The following MEMO1 variants were observed in gnomAD, a reference collection of about 807,000 sequenced individuals.
The protein encoded by MEMO1 is protein MEMO1.
In MEMO1, 6 loss-of-function variants were observed where a neutral mutation model predicts 45.2. The observed-to-expected ratio is 0.13, with a 90% confidence interval of 0.07 to 0.26. The LOEUF (loss-of-function observed/expected upper bound fraction) is 0.26. Ranked by LOEUF, MEMO1 falls within the 10% of genes least tolerant of loss-of-function variation. The pLI, the probability that MEMO1 is intolerant of heterozygous loss-of-function variation, is 1.00. For synonymous variants in MEMO1, 78 were observed against 124.3 expected (o/e 0.63, Z 2.48); for missense variants, 184 against 370.5 (o/e 0.50, Z 4.13).
At chr2:31,983,816 A>C (rs1477064067) in intron 2 of MEMO1, among the ~76,000 whole-genome samples, 1 of 152,228 alleles carries the variant, frequency 6.6e-6, no homozygotes, top group Non-Finnish European at 1.5e-5. Flanking sequence ...CCCACAGGGC[A>C]GGAAAATATA....
intron 2 of MEMO1, among the ~76,000 whole-genome samples, chr2:31,950,013 T>C (rs1445052276): frequency 6.6e-6 from 1 of 152,234 alleles, no homozygotes; most frequent in Non-Finnish European, 1.5e-5. Context: ...TCTCTCAAAC[T>C]ATGACATATG....
Position 31,868,433 on chromosome 2 carries a change from G to T in MEMO1, c.822C>A (p.Ala274=), listed in dbSNP as rs745685125. ...MNMSFSFLNY[A]QSSQCRNWQD... ...GCCAGTTTCTACACTGGCTCGACTG[G>T]GCATAATTCAAAAACGAAAAACTCA... Residue 274 remains alanine, a synonymous_variant, in exon 10 of 10, where the codon GCC becomes GCA. Coordinates refer to ENST00000404530, the MANE Select transcript of MEMO1 (RefSeq NM_001301833.4). 1.9e-5 allele frequency: 30 copies of T among 1,602,250 alleles called. No individual in the cohort carries two copies. The South Asian group carries it at 2.0e-4, about 11-fold the overall frequency.
intron 6 of MEMO1, among the ~76,000 whole-genome samples, chr2:31,896,819 C>T (rs1677896096): frequency 6.6e-6 from 1 of 152,118 alleles, no homozygotes; most frequent in South Asian, 2.1e-4. Context: ...CAACAAATTA[C>T]CAAAATAAAA....
At chr2:31,983,114 A>T (rs868377902) in intron 2 of MEMO1, among the ~76,000 whole-genome samples, 12 of 151,684 alleles carry the variant, frequency 7.9e-5, no homozygotes, top group African/African-American at 2.7e-4. Flanking sequence ...CACAAAAATT[A>T]GCTGGGTGTG....
chr2:31,946,160 G>C (rs1666169102), intron 2 of MEMO1, among the ~76,000 whole-genome samples: 1 of 152,160 alleles, frequency 6.6e-6, no homozygotes, highest in African/African-American at 2.4e-5. Flanking sequence ...ATAGTTAAAG[G>C]TTCACATTCC....
intron 4 of MEMO1, among the ~76,000 whole-genome samples, chr2:31,927,094 G>A (rs68051012): frequency 0.12 from 18,604 of 152,048 alleles, 1,237 homozygotes; most frequent in Middle Eastern, 0.2. Flanking sequence ...ACTTTGAGAG[G>A]CCGAGGCAGG....
chr2:32,004,271 C>G (rs1673772430), intron 2 of MEMO1, among the ~76,000 whole-genome samples: 1 of 150,672 alleles, frequency 6.6e-6, no homozygotes, highest in Admixed American at 6.6e-5. Flanking sequence ...GCAATATGTA[C>G]CTAACAAAGA....
At chr2:31,916,565 T>G (rs540956694) in intron 6 of MEMO1, among the ~76,000 whole-genome samples, 1 of 152,176 alleles carries the variant, frequency 6.6e-6, no homozygotes, top group East Asian at 1.9e-4. Context: ...TATTTTCTCA[T>G]GACAAAATAT....
intron 2 of MEMO1, among the ~76,000 whole-genome samples, chr2:31,956,947 T>A (rs943499626): frequency 6.6e-6 from 1 of 151,964 alleles, no homozygotes; most frequent in African/African-American, 2.4e-5. Context: ...ATGGAGACCA[T>A]CCTGGCCAAC....
chr2:31,934,832 T>C (rs560482779), intron 3 of MEMO1, among the ~76,000 whole-genome samples: 120 of 152,226 alleles, frequency 7.9e-4, no homozygotes, highest in African/African-American at 2.8e-3. Context: ...AGAAGCTCTC[T>C]TGAAAATTGT....
intron 7 of MEMO1, among the ~76,000 whole-genome samples, chr2:31,884,058 A>G (rs1037340144): frequency 2.0e-5 from 3 of 151,978 alleles, no homozygotes; most frequent in African/African-American, 7.2e-5. Flanking sequence ...GGGTAAATAT[A>G]ATATAAATAT....
intron 2 of MEMO1, among the ~76,000 whole-genome samples, chr2:32,006,319 G>A (rs1052678421): frequency 6.6e-6 from 1 of 152,228 alleles, no homozygotes; most frequent in Non-Finnish European, 1.5e-5. Flanking sequence ...TCTGACAGAA[G>A]ATGATAAGGG....
At position 31,883,372 on chromosome 2, in the gene MEMO1, C is replaced by A; in HGVS notation, c.657+14G>T. The A allele has an allele frequency of 1.3e-6, 2 of 1,548,948 alleles. No homozygotes were observed. The highest frequency in any genetic ancestry group is 1.8e-6 in the Non-Finnish European group (2 of 1,140,838). On this transcript the variant is annotated intron_variant, in intron 8 of 9. Transcript: ENST00000404530. ...AGCCTTAGAGCATTAAAATCCCACA[C>A]CTGAAAGACTTACCATTTTATCTAG...
chr2:31,929,131 T>C (rs1278761575), intron 4 of MEMO1, among the ~76,000 whole-genome samples: 1 of 152,174 alleles, frequency 6.6e-6, no homozygotes, highest in Non-Finnish European at 1.5e-5. Flanking sequence ...TGTATTGTTC[T>C]TCAAACTGTT....
intron 7 of MEMO1, among the ~76,000 whole-genome samples, chr2:31,887,601 T>C (rs1430935238): frequency 6.6e-6 from 1 of 152,162 alleles, no homozygotes; most frequent in Non-Finnish European, 1.5e-5. Context: ...ATAAAGGAAA[T>C]ATTATGTAAG....
intron 8 of MEMO1, among the ~76,000 whole-genome samples, chr2:31,882,024 G>A (rs1481257110): frequency 2.0e-5 from 3 of 151,978 alleles, no homozygotes; most frequent in Non-Finnish European, 4.4e-5. Context: ...AGGCGCCTGT[G>A]TCCCAGCTAC....
chr2:32,006,695 G>C (rs924994292), intron 2 of MEMO1, among the ~76,000 whole-genome samples: 5 of 152,050 alleles, frequency 3.3e-5, no homozygotes, highest in African/African-American at 1.2e-4. Flanking sequence ...GGCTGGGTGT[G>C]GTGGCTCACG....
At chr2:31,980,028 GA>G (rs899139767) in intron 2 of MEMO1, among the ~76,000 whole-genome samples, 4 of 146,810 alleles carry the variant, frequency 2.7e-5, no homozygotes, top group African/African-American at 7.5e-5. Context: ...AAAAAAGAAA[GA>G]AAAAAACTGT....
intron 6 of MEMO1, among the ~76,000 whole-genome samples, chr2:31,908,440 T>C (rs989225194): frequency 3.3e-4 from 50 of 151,958 alleles, no homozygotes; most frequent in African/African-American, 1.1e-3. Context: ...ACTCTTATCC[T>C]GACAGGAAAA....
Sources: gnomAD v4.1 joint callset for allele counts (sites outside exome capture counted in the v4.1 genomes callset) on GRCh38, gnomAD v4.1.1 for gene constraint, MANE v1.5 for transcripts, NCBI Gene and HGNC (gene_info 2026-07-23, HGNC 2026-07-21) for gene names.